Variants in STK39 observed in about 807,000 individuals in gnomAD.
STK39 encodes STE20/SPS1-related proline-alanine-rich protein kinase.
A neutral mutation model predicts 77.8 loss-of-function variants in STK39; 20 were observed. The observed-to-expected ratio is 0.26, with a 90% CI of 0.18 to 0.37. The LOEUF (loss-of-function observed/expected upper bound fraction) is 0.37, where lower values mean the gene tolerates loss of function less well. STK39 is among the 10% of genes least tolerant of loss of function. The pLI is 1.00. For synonymous variants in STK39, 246 were observed against 234.1 expected (o/e 1.05, Z -0.47); for missense variants, 479 against 656.5 (o/e 0.73, Z 2.95).
chr2:168,242,497 T>C (rs929665899), intron 1 of STK39, among the ~76,000 whole-genome samples: 5 of 139,736 alleles, frequency 3.6e-5, no homozygotes, highest in African/African-American at 1.1e-4. Flanking sequence ...TGCAGTGAAC[T>C]GAGATGGCGC....
At chr2:168,109,689 T>C (rs932898618) in intron 10 of STK39, among the ~76,000 whole-genome samples, 2 of 152,340 alleles carry the variant, frequency 1.3e-5, no homozygotes, top group East Asian at 3.9e-4. Flanking sequence ...CCAGCTGTTA[T>C]AAGAGATGTG....
chr2:168,213,239 A>C (rs973658632), intron 1 of STK39, among the ~76,000 whole-genome samples: 1 of 152,236 alleles, frequency 6.6e-6, no homozygotes, highest in African/African-American at 2.4e-5. Flanking sequence ...AGAGCACAAA[A>C]CTATTTGTGT....
At chr2:168,092,933 C>T (rs1231461514) in intron 10 of STK39, among the ~76,000 whole-genome samples, 1 of 152,196 alleles carries the variant, frequency 6.6e-6, no homozygotes, top group Non-Finnish European at 1.5e-5. Flanking sequence ...ATCTTTCGCA[C>T]ACAATGTTCT....
At chr2:168,004,987 A>T (rs1684090003) in intron 16 of STK39, among the ~76,000 whole-genome samples, 1 of 143,938 alleles carries the variant, frequency 6.9e-6, no homozygotes, top group Non-Finnish European at 1.5e-5. Flanking sequence ...ACTAGGGGAC[A>T]GAAGGCCCTC....
At chr2:168,199,156 G>T (rs1183996978) in intron 1 of STK39, among the ~76,000 whole-genome samples, 1 of 152,178 alleles carries the variant, frequency 6.6e-6, no homozygotes, top group Non-Finnish European at 1.5e-5. Flanking sequence ...TACTTAGGGG[G>T]TTACACCATT....
intron 14 of STK39, among the ~76,000 whole-genome samples, chr2:168,039,298 A>T (rs1685040630): frequency 6.7e-6 from 1 of 150,176 alleles, no homozygotes; most frequent in Non-Finnish European, 1.5e-5. Flanking sequence ...CATAGCTTGA[A>T]AAAAGCAGAT....
At chr2:167,982,745 AAGAATAGGGAGCACTTTTTC>A (rs1683452778) in intron 16 of STK39, among the ~76,000 whole-genome samples, 2 of 152,188 alleles carry the variant, frequency 1.3e-5, no homozygotes, top group African/African-American at 4.8e-5. Context: ...CCTGGTAGCC[AAGAATAGGGAGCACTTTTTC>A]AGAAGCTGCT....
At chr2:168,089,849 G>A (rs1391878187) in intron 10 of STK39, among the ~76,000 whole-genome samples, 3 of 152,168 alleles carry the variant, frequency 2.0e-5, no homozygotes, top group Non-Finnish European at 4.4e-5. Context: ...CTGACCTCAG[G>A]TGATGCACTT....
At chr2:168,005,064 G>A (rs1009874835) in intron 16 of STK39, among the ~76,000 whole-genome samples, 6 of 147,534 alleles carry the variant, frequency 4.1e-5, no homozygotes, top group African/African-American at 1.3e-4. Context: ...GGAGTGCAGC[G>A]GCGCGATCTC....
intron 1 of STK39, among the ~76,000 whole-genome samples, chr2:168,234,497 G>A (rs896943739): frequency 6.6e-6 from 1 of 151,966 alleles, no homozygotes; most frequent in African/African-American, 2.4e-5. Flanking sequence ...CCCGCATAAG[G>A]GACCACCTCT....
chr2:168,231,777 G>C (rs1208373388), intron 1 of STK39: 2 of 196,740 alleles, frequency 1.0e-5, no homozygotes, highest in African/African-American at 4.7e-5. Context: ...GGTGAAGGGA[G>C]AGGAGGGGTG....
intron 16 of STK39, among the ~76,000 whole-genome samples, chr2:168,011,073 G>A (rs1297089798): frequency 1.4e-4 from 21 of 152,212 alleles, no homozygotes; most frequent in East Asian, 1.2e-3. Context: ...CAAGGCAGGC[G>A]GATCACTTGA....
chr2:168,229,892 T>A (rs896733336), intron 1 of STK39, among the ~76,000 whole-genome samples: 1 of 152,176 alleles, frequency 6.6e-6, no homozygotes, highest in South Asian at 2.1e-4. Context: ...CATCTTTAGA[T>A]TGTTTAGCAA....
chr2:168,005,886 G>C (rs1298990325), intron 16 of STK39, among the ~76,000 whole-genome samples: 2 of 152,136 alleles, frequency 1.3e-5, no homozygotes, highest in Non-Finnish European at 2.9e-5. Flanking sequence ...CATCTCATGG[G>C]GGCATGAACA....
At chr2:168,165,048 C>G (rs1258124498) in intron 3 of STK39, among the ~76,000 whole-genome samples, 1 of 152,022 alleles carries the variant, frequency 6.6e-6, no homozygotes, top group Non-Finnish European at 1.5e-5. Context: ...AAAACAAATG[C>G]ATATTTTTCC....
At chr2:167,987,004 G>A (rs1335516616) in intron 16 of STK39, among the ~76,000 whole-genome samples, 1 of 152,214 alleles carries the variant, frequency 6.6e-6, no homozygotes, top group Non-Finnish European at 1.5e-5. Context: ...ACTGTGGGCT[G>A]TATGTGTAGT....
chr2:168,073,951 G>A (rs960868611), intron 12 of STK39, among the ~76,000 whole-genome samples: 1 of 152,126 alleles, frequency 6.6e-6, no homozygotes, highest in Non-Finnish European at 1.5e-5. Flanking sequence ...ATTGAGAGGT[G>A]AATTAAATGA....
At chr2:168,025,702 CA>C (rs561863828) in intron 14 of STK39, among the ~76,000 whole-genome samples, 8 of 152,108 alleles carry the variant, frequency 5.3e-5, no homozygotes, top group Non-Finnish European at 1.2e-4. Context: ...CTTAATGAGA[CA>C]TGAAAAGATT....
At chr2:168,230,295 T>C (rs1016900833) in intron 1 of STK39, among the ~76,000 whole-genome samples, 9 of 152,168 alleles carry the variant, frequency 5.9e-5, no homozygotes, top group South Asian at 2.1e-4. Flanking sequence ...CAGAGTGGCA[T>C]TGTGTGACTT....
Sources: gnomAD v4.1 joint callset for allele counts (sites outside exome capture counted in the v4.1 genomes callset) on GRCh38, gnomAD v4.1.1 for gene constraint, MANE v1.5 for transcripts, NCBI Gene and HGNC (gene_info 2026-07-23, HGNC 2026-07-21) for gene names.